CDH8: variants seen among roughly 807,000 people sequenced by gnomAD.
The protein encoded by CDH8 is cadherin-8.
CDH8 carries 17 observed loss-of-function variants against 68.1 expected under a neutral mutation model. The observed-to-expected ratio is 0.25, with a 90% CI of 0.17 to 0.37. The LOEUF (loss-of-function observed/expected upper bound fraction) is 0.37. CDH8 is among the 10% of genes least tolerant of loss of function. The probability of loss-of-function intolerance (pLI) is 1.00; values close to 1 mark genes in which losing one functional copy is unlikely to be tolerated. For synonymous variants in CDH8, 372 were observed against 365.1 expected (o/e 1.02, Z -0.21); for missense variants, 763 against 999.3 (o/e 0.76, Z 3.19).
Position 61,652,545 on chromosome 16 carries a change from C to T in CDH8, c.*1063G>A. On this transcript the variant is annotated 3_prime_UTR_variant, in exon 12 of 12. Transcript: ENST00000577390. ...TCTCCAGTTACAATAACACTTTCTA[C>T]TCTAAAGAGACTATTAGCTCTCCTT... The T allele has an allele frequency of 1.9e-6, 2 of 1,037,820 alleles. No homozygotes were observed. Among genetic ancestry groups the T allele is most frequent in the Non-Finnish European group, 2.3e-6 (2 of 864,412 alleles). The allele number at this position is 1,037,820 out of a possible 1,614,324, so 64.3% of individuals were successfully genotyped here. A position where few individuals can be genotyped will look rare whatever the true frequency, so the allele number is the denominator to read the frequency against.
chr16:61,991,577 C>T (rs1965721979), intron 2 of CDH8, among the ~76,000 whole-genome samples: 1 of 152,156 alleles, frequency 6.6e-6, no homozygotes, highest in African/African-American at 2.4e-5. Context: ...ATCTACTTTA[C>T]AGGTGTGAAA....
chr16:61,710,364 G>C (rs1964608956), intron 10 of CDH8, among the ~76,000 whole-genome samples: 1 of 152,048 alleles, frequency 6.6e-6, no homozygotes, highest in South Asian at 2.1e-4. Context: ...ACTCTATACA[G>C]TTAACTATAT....
chr16:61,984,011 G>A (rs1412999581), intron 2 of CDH8, among the ~76,000 whole-genome samples: 3 of 151,952 alleles, frequency 2.0e-5, no homozygotes, highest in African/African-American at 7.3e-5. Context: ...TCTGCCTTCT[G>A]GGTTCAAGCT....
chr16:61,852,346 T>C (rs1353449684), intron 4 of CDH8, among the ~76,000 whole-genome samples: 1 of 152,116 alleles, frequency 6.6e-6, no homozygotes, highest in Non-Finnish European at 1.5e-5. Flanking sequence ...TTTGGCTTTC[T>C]ATTGTTGCTG....
rs901156676 is a variant in CDH8 at position 61,825,584 on chromosome 16, C to T, written c.668-405G>A. ...ACAGGAGGAGTAAATACACACATAG[C>T]TTGAAGGCTCTGAGGTCAAAGATAA... On this transcript the variant is annotated intron_variant, in intron 4 of 11. Coordinates refer to ENST00000577390, the MANE Select transcript of CDH8 (RefSeq NM_001796.5). 2.6e-5 allele frequency among the ~76,000 whole-genome samples: 4 copies of T among 151,728 alleles called. No homozygotes were observed. The East Asian group carries it at 7.8e-4, about 30-fold the overall frequency.
intron 10 of CDH8, among the ~76,000 whole-genome samples, chr16:61,674,060 G>T (rs1387396859): frequency 6.6e-6 from 1 of 152,082 alleles, no homozygotes; most frequent in African/African-American, 2.4e-5. Context: ...AACACTTGAG[G>T]TTTGACTATG....
intron 2 of CDH8, among the ~76,000 whole-genome samples, chr16:61,957,807 G>T (rs536431047): frequency 6.6e-6 from 1 of 152,018 alleles, no homozygotes; most frequent in Admixed American, 6.6e-5. Flanking sequence ...TCCCGCCTCT[G>T]CTGACCACCG....
intron 2 of CDH8, among the ~76,000 whole-genome samples, chr16:61,925,589 C>T (rs1318608761): frequency 6.6e-6 from 1 of 152,114 alleles, no homozygotes; most frequent in East Asian, 1.9e-4. Context: ...CATTAGGCCT[C>T]ATTAGGAAAT....
At chr16:61,932,587 C>T (rs1376498670) in intron 2 of CDH8, among the ~76,000 whole-genome samples, 2 of 152,092 alleles carry the variant, frequency 1.3e-5, no homozygotes, top group Non-Finnish European at 2.9e-5. Flanking sequence ...AAAGTTGTAT[C>T]ATTACTTATT....
intron 8 of CDH8, among the ~76,000 whole-genome samples, chr16:61,768,360 CTCTCTCTCCCTT>C (rs1960670795): frequency 1.1e-4 from 12 of 108,404 alleles, no homozygotes; most frequent in East Asian, 2.7e-4. Flanking sequence ...CTCTCTCTCT[CTCTCTCTCCCTT>C]TCTCTCTCTC....
rs368660939 is a variant in CDH8, at chr16:61,653,849, T to C, written c.2159A>G (p.Asp720Gly). ...CCTTACATTTATAAATTCATCGACA[T>C]CAACACCATTTGGAACTGGAGCAAG... ...QGLAPVPNGV[D>G]VDEFINVRLH... The change falls in exon 12 of 12, where the codon GAT becomes GGT. Residue 720 changes from aspartate to glycine, a missense_variant. Physicochemically the swap from Asp to Gly is moderately conservative, Grantham distance 94. Coordinates refer to ENST00000577390, the MANE Select transcript of CDH8 (RefSeq NM_001796.5). 4 of 1,614,112 alleles carry C rather than the reference T, an allele frequency of 2.5e-6. No homozygotes were observed. In the African/African-American group the frequency reaches 4.0e-5, roughly 16 times the overall value.
rs749003996 is a variant in CDH8 at position 61,654,114 on chromosome 16, T to C, written c.1907-13A>G. On this transcript the variant is annotated splice_polypyrimidine_tract_variant and intron_variant, in intron 11 of 11. Coordinates refer to ENST00000577390, the MANE Select transcript of CDH8 (RefSeq NM_001796.5). ...AGCACCACGATGACTAGAGGAAAAA[T>C]ATTAAATAACAGTCAGCCAAACAAG... 2 of 1,602,548 alleles carry C rather than the reference T, an allele frequency of 1.2e-6. No individual in the cohort carries two copies. The highest frequency in any genetic ancestry group is 2.2e-5 in the South Asian group (2 of 89,452).
At chr16:61,858,074 C>A (rs1053593179) in intron 3 of CDH8, among the ~76,000 whole-genome samples, 2 of 151,902 alleles carry the variant, frequency 1.3e-5, no homozygotes, top group Non-Finnish European at 2.9e-5. Flanking sequence ...ATCAAACACA[C>A]ACACACACAC....
chr16:61,755,741 G>A (rs1482638431), intron 8 of CDH8, among the ~76,000 whole-genome samples: 1 of 151,358 alleles, frequency 6.6e-6, no homozygotes, highest in Non-Finnish European at 1.5e-5. Context: ...ATTTTCATTA[G>A]TAGAGTTTTC....
rs375731631 is a variant in CDH8 at position 61,890,427 on chromosome 16, T to C, written c.547+10752A>G. 2.0e-4 allele frequency among the ~76,000 whole-genome samples: 30 copies of C among 152,280 alleles called. No individual in the cohort carries two copies. In the East Asian group the frequency reaches 3.3e-3, roughly 17 times the overall value. On this transcript the variant is annotated intron_variant, in intron 3 of 11. Coordinates refer to ENST00000577390, the MANE Select transcript of CDH8 (RefSeq NM_001796.5). Reference sequence around the variant, plus strand: ...ACATCATCAGTGTTGCCTCTTCACTTAGACATTGTTAGTGCTGAGCCAATT... The same window carrying C: ...ACATCATCAGTGTTGCCTCTTCACTCAGACATTGTTAGTGCTGAGCCAATT...
chr16:61,723,336 T>G (rs1438708252), intron 9 of CDH8, among the ~76,000 whole-genome samples: 1 of 150,696 alleles, frequency 6.6e-6, no homozygotes, highest in East Asian at 2.0e-4. Context: ...TTTCTCCACA[T>G]TTGTTACCTG....
chr16:61,801,903 T>C (rs1961651617), intron 7 of CDH8, among the ~76,000 whole-genome samples: 1 of 149,704 alleles, frequency 6.7e-6, no homozygotes, highest in Non-Finnish European at 1.5e-5. Context: ...GCGCCCGCCA[T>C]TGCCCAGGCT....
At chr16:61,844,377 A>G (rs940893834) in intron 4 of CDH8, among the ~76,000 whole-genome samples, 2 of 152,132 alleles carry the variant, frequency 1.3e-5, no homozygotes, top group African/African-American at 4.8e-5. Flanking sequence ...ACATGTATAC[A>G]TATGTAACAA....
At chr16:61,852,302 T>C (rs2143013263) in intron 4 of CDH8, among the ~76,000 whole-genome samples, 1 of 152,250 alleles carries the variant, frequency 6.6e-6, no homozygotes, top group South Asian at 2.1e-4. Flanking sequence ...GTTTAGTGTT[T>C]TGTCAAACCT....
Sources: gnomAD v4.1 joint callset for allele counts (sites outside exome capture counted in the v4.1 genomes callset) on GRCh38, gnomAD v4.1.1 for gene constraint, MANE v1.5 for transcripts, NCBI Gene and HGNC (gene_info 2026-07-23, HGNC 2026-07-21) for gene names.